Variants in PTPRM observed in about 807,000 individuals in gnomAD.
PTPRM encodes protein tyrosine phosphatase receptor type M, also known as receptor-type tyrosine-protein phosphatase mu.
PTPRM carries 47 observed loss-of-function variants against 186.7 expected under a neutral mutation model. That is an observed-to-expected ratio of 0.25 (90% confidence interval 0.20 to 0.32). The LOEUF (loss-of-function observed/expected upper bound fraction) is 0.32, where lower values mean the gene tolerates loss of function less well. PTPRM is among the 10% of genes least tolerant of loss of function. PTPRM has a pLI of 1.00. For missense variants in PTPRM, 1,494 were observed against 1,865.0 expected, an observed-to-expected ratio of 0.80 and a Z score of 3.66; for synonymous variants, 668 against 674.9, an observed-to-expected ratio of 0.99 and a Z score of 0.16.
At chr18:8,358,274 C>CACAG (rs1389235464) in intron 23 of PTPRM, among the ~76,000 whole-genome samples, 1 of 151,074 alleles carries the variant, frequency 6.6e-6, no homozygotes, top group Non-Finnish European at 1.5e-5. Context: ...CACACACACA[C>CACAG]ATGCATACAC....
intron 2 of PTPRM, among the ~76,000 whole-genome samples, chr18:7,874,678 G>A (rs1365395484): frequency 3.3e-5 from 5 of 152,050 alleles, no homozygotes; most frequent in Non-Finnish European, 5.9e-5. Flanking sequence ...ACCTGAAAAC[G>A]AAATAGTGTA....
intron 2 of PTPRM, among the ~76,000 whole-genome samples, chr18:7,783,024 A>G (rs939840285): frequency 6.6e-6 from 1 of 152,220 alleles, no homozygotes; most frequent in Non-Finnish European, 1.5e-5. Context: ...GTTTATAAAT[A>G]ATGTGTTTTA....
chr18:7,859,216 A>G (rs1295202596), intron 2 of PTPRM, among the ~76,000 whole-genome samples: 1 of 152,180 alleles, frequency 6.6e-6, no homozygotes, highest in Admixed American at 6.5e-5. Flanking sequence ...TATATATGAT[A>G]AATATGTATT....
chr18:8,089,694 C>T (rs1019702259), intron 11 of PTPRM, among the ~76,000 whole-genome samples: 1 of 152,108 alleles, frequency 6.6e-6, no homozygotes, highest in African/African-American at 2.4e-5. Flanking sequence ...GGTTTATTTT[C>T]ATGTTTCTTT....
rs2053202530 is a variant in PTPRM at position 7,954,755 on chromosome 18, GT to G, written c.839-365del. ...TTACTCATTCAAGATATTGTAATTA[GT>G]ATCCTAAAACAGGCATCACTTTAAT... On this transcript the variant is annotated intron_variant, in intron 6 of 32. Transcript: ENST00000580170. Among the ~76,000 whole-genome samples the G allele has an allele frequency of 2.6e-5, 4 of 152,180 alleles. No homozygotes were observed. In the South Asian group the frequency reaches 8.3e-4, roughly 32 times the overall value.
chr18:7,926,097 G>A (rs780208721), intron 4 of PTPRM, among the ~76,000 whole-genome samples: 1 of 152,134 alleles, frequency 6.6e-6, no homozygotes. Flanking sequence ...CCAGTTAGTT[G>A]TATTAAAATA....
intron 1 of PTPRM, among the ~76,000 whole-genome samples, chr18:7,599,499 A>G (rs2037347341): frequency 6.6e-6 from 1 of 152,028 alleles, no homozygotes; most frequent in African/African-American, 2.4e-5. Flanking sequence ...CCTTGCTATA[A>G]CCCCTGACTC....
chr18:8,070,598 G>A (rs1047797508), intron 8 of PTPRM, among the ~76,000 whole-genome samples: 17 of 152,078 alleles, frequency 1.1e-4, no homozygotes, highest in African/African-American at 4.1e-4. Context: ...CATCAAAAAA[G>A]CAAATATACA....
intron 14 of PTPRM, among the ~76,000 whole-genome samples, chr18:8,233,049 C>T (rs997231739): frequency 3.9e-5 from 6 of 152,156 alleles, no homozygotes; most frequent in African/African-American, 1.4e-4. Flanking sequence ...AAGTGATGGT[C>T]CTCAGCAAAC....
Position 7,664,609 on chromosome 18 carries a change from G to T in PTPRM, c.73+96718G>T, listed in dbSNP as rs2039056072. On this transcript the variant is annotated intron_variant, in intron 1 of 32. Coordinates refer to ENST00000580170, the MANE Select transcript of PTPRM (RefSeq NM_001105244.2). The stretch of plus-strand genomic sequence containing the variant: ...GCCTCTTCATGCTACTCTTCATGTG[G>T]CTGGGCTTTCCTTGCAGCGTGGTGG... Among the ~76,000 whole-genome samples, 3 of 152,260 alleles carry T rather than the reference G, an allele frequency of 2.0e-5. No homozygotes were observed. The South Asian group carries it at 6.2e-4, about 32-fold the overall frequency.
At chr18:8,047,888 T>C (rs2087176035) in intron 7 of PTPRM, among the ~76,000 whole-genome samples, 1 of 152,146 alleles carries the variant, frequency 6.6e-6, no homozygotes, top group Non-Finnish European at 1.5e-5. Context: ...GAAAGGAAGT[T>C]TGGGGTAGCC....
At chr18:7,976,364 A>T (rs2054940591) in intron 7 of PTPRM, among the ~76,000 whole-genome samples, 1 of 152,180 alleles carries the variant, frequency 6.6e-6, no homozygotes, top group African/African-American at 2.4e-5. Context: ...ATTCTGTATG[A>T]TACTATAGTA....
Position 8,112,384 on chromosome 18 carries a change from T to TC in PTPRM, c.1857-1096dup, listed in dbSNP as rs905504737. On this transcript the variant is annotated intron_variant, in intron 11 of 32. Coordinates refer to ENST00000580170, the MANE Select transcript of PTPRM (RefSeq NM_001105244.2). Reference sequence around the variant, plus strand: ...TGTAGAGACAAACCTTTCTAGGCATTCCCCCCATGGGTGGGGATAGCAGGC... The same window carrying TC: ...TGTAGAGACAAACCTTTCTAGGCATTCCCCCCCATGGGTGGGGATAGCAGGC... 9.2e-3 allele frequency among the ~76,000 whole-genome samples: 1,403 copies of TC among 152,262 alleles called. 24 individuals are homozygous for TC. The highest frequency in any genetic ancestry group is 0.033 in the African/African-American group (1,353 of 41,552).
rs146214824 is a variant in PTPRM at position 8,337,910 on chromosome 18, A to G, written c.2957-5513A>G. ...AGGGCTTACTCTGAGAGCAGCGGAA[A>G]GCTGTGGGAGGATTTATGCAGGAAA... On this transcript the variant is annotated intron_variant, in intron 22 of 32. Transcript: ENST00000580170. Among the ~76,000 whole-genome samples, 571 of 152,316 alleles carry G rather than the reference A, an allele frequency of 3.7e-3. 3 individuals carry two copies. The highest frequency in any genetic ancestry group is 0.013 in the African/African-American group (547 of 41,558).
chr18:7,665,310 C>CT (rs770983728), intron 1 of PTPRM, among the ~76,000 whole-genome samples: 35 of 152,244 alleles, frequency 2.3e-4, no homozygotes, highest in Admixed American at 3.9e-4. Flanking sequence ...TGTGTAAGTA[C>CT]TGCATTCTAG....
chr18:7,984,594 T>TGCCCC (rs1555676863), intron 7 of PTPRM, among the ~76,000 whole-genome samples: 26 of 120,160 alleles, frequency 2.2e-4, no homozygotes, highest in Non-Finnish European at 4.2e-4. Context: ...TATATATATA[T>TGCCCC]ATATATATAC....
chr18:7,752,833 TTTAG>T (rs1405533298), intron 1 of PTPRM, among the ~76,000 whole-genome samples: 5 of 152,142 alleles, frequency 3.3e-5, no homozygotes, highest in African/African-American at 7.2e-5. Context: ...TTTTTGGCCT[TTTAG>T]TTAGGCACTT....
chr18:8,248,206 T>A (rs771411778), intron 17 of PTPRM, 30 bp downstream of exon 17: 1 of 1,520,324 alleles, frequency 6.6e-7, no homozygotes, highest in South Asian at 1.1e-5. Context: ...CCACAGTTTA[T>A]TGCAGGAGTA....
At chr18:7,605,113 C>T (rs998260003) in intron 1 of PTPRM, among the ~76,000 whole-genome samples, 1 of 151,962 alleles carries the variant, frequency 6.6e-6, no homozygotes, top group Non-Finnish European at 1.5e-5. Context: ...TTCCCTGGGC[C>T]GTGTTGGAAG....
Sources: gnomAD v4.1 joint callset for allele counts (sites outside exome capture counted in the v4.1 genomes callset) on GRCh38, gnomAD v4.1.1 for gene constraint, MANE v1.5 for transcripts, NCBI Gene and HGNC (gene_info 2026-07-23, HGNC 2026-07-21) for gene names.